DPY19L1: variants seen among roughly 807,000 people sequenced by gnomAD.
The protein encoded by DPY19L1 is dpy-19 like C-mannosyltransferase 1.
DPY19L1 carries 35 observed loss-of-function variants against 96.9 expected under a neutral mutation model. That is an observed-to-expected ratio of 0.36 (90% CI 0.28 to 0.48). The LOEUF (loss-of-function observed/expected upper bound fraction) is 0.48. Ranked by LOEUF, DPY19L1 falls within the 20% of genes least tolerant of loss-of-function variation. The probability of loss-of-function intolerance (pLI) is 0.99; values close to 1 mark genes in which losing one functional copy is unlikely to be tolerated. For missense variants in DPY19L1, 521 were observed against 777.9 expected (o/e 0.67, Z 3.93); for synonymous variants, 205 against 252.6 (o/e 0.81, Z 1.79).
chr7:34,980,388 CA>C (rs770880049), intron 7 of DPY19L1, among the ~76,000 whole-genome samples: 6 of 151,530 alleles, frequency 4.0e-5, no homozygotes, highest in Admixed American at 2.6e-4. Flanking sequence ...TAATCAGACA[CA>C]AAAAGGACTC....
chr7:35,029,025 G>T (rs1584265003), intron 1 of DPY19L1, among the ~76,000 whole-genome samples: 1 of 152,072 alleles, frequency 6.6e-6, no homozygotes, highest in Non-Finnish European at 1.5e-5. Flanking sequence ...CTTCTTTACC[G>T]CATGCTGTTT....
intron 1 of DPY19L1, among the ~76,000 whole-genome samples, chr7:35,036,620 A>G (rs1255247383): frequency 6.6e-6 from 1 of 152,158 alleles, no homozygotes; most frequent in African/African-American, 2.4e-5. Flanking sequence ...GGAAGAAAAA[A>G]GTACGCTAAA....
rs990087055 is a variant in DPY19L1 at position 35,027,549 on chromosome 7, G to T, written c.299-8953C>A. Reference sequence around the variant, plus strand: ...TTGCTTTTAAAATTCAGTCATGAAGGCCGGGCTCCATGGCTCACGCCTGTA... The same window carrying T: ...TTGCTTTTAAAATTCAGTCATGAAGTCCGGGCTCCATGGCTCACGCCTGTA... On this transcript the variant is annotated intron_variant, in intron 1 of 21. Transcript: ENST00000638088. Among the ~76,000 whole-genome samples, 10 of 152,028 alleles carry T rather than the reference G, an allele frequency of 6.6e-5. No homozygotes were observed. The East Asian group carries it at 1.9e-3, about 29-fold the overall frequency.
At chr7:34,960,445 G>T (rs1443425690) in intron 10 of DPY19L1, among the ~76,000 whole-genome samples, 2 of 151,972 alleles carry the variant, frequency 1.3e-5, no homozygotes, top group African/African-American at 2.4e-5. Flanking sequence ...TTCATATTTT[G>T]ATTGTTTGTA....
At chr7:34,969,047 T>C (rs1337198338) in intron 9 of DPY19L1, among the ~76,000 whole-genome samples, 2 of 152,108 alleles carry the variant, frequency 1.3e-5, no homozygotes, top group African/African-American at 4.8e-5. Context: ...TACACAACTA[T>C]TCATAAAAGA....
At chr7:35,026,726 C>T (rs1273180532) in intron 1 of DPY19L1, among the ~76,000 whole-genome samples, 2 of 152,108 alleles carry the variant, frequency 1.3e-5, no homozygotes, top group Non-Finnish European at 2.9e-5. Flanking sequence ...TCAAAAGATA[C>T]ACTGAGGGAG....
chr7:34,940,206 C>A lies in DPY19L1; in HGVS notation c.1811G>T (p.Ser604Ile). The change falls in exon 19 of 22, where the codon AGC (serine) becomes ATC (isoleucine). Residue 604 changes from serine (S) to isoleucine (I), a missense_variant. By Grantham distance (142) the Ser-to-Ile change is moderately radical (BLOSUM62 -2). Coordinates refer to ENST00000638088, the MANE Select transcript of DPY19L1 (RefSeq NM_001366673.1). ...QTQWNIVGEF[S>I]NLPQEELIEW... Reference sequence around the variant, plus strand: ...TATAAGTTCTTCTTGGGGCAAATTGCTGAACTCCCCTACAATATTCCACTG... The same window carrying A: ...TATAAGTTCTTCTTGGGGCAAATTGATGAACTCCCCTACAATATTCCACTG... 1 of 1,605,674 alleles carries A rather than the reference C, an allele frequency of 6.2e-7. No homozygotes were observed. Among genetic ancestry groups the A allele is most frequent in the Non-Finnish European group, 8.5e-7 (1 of 1,177,212 alleles).
At chr7:34,958,310 C>T (rs1184833525) in intron 10 of DPY19L1, among the ~76,000 whole-genome samples, 1 of 152,176 alleles carries the variant, frequency 6.6e-6, no homozygotes, top group East Asian at 1.9e-4. Flanking sequence ...TGTAAAACCA[C>T]AAATGGACAC....
intron 1 of DPY19L1, among the ~76,000 whole-genome samples, chr7:35,028,763 T>A (rs566045220): frequency 2.0e-5 from 3 of 152,224 alleles, no homozygotes; most frequent in Non-Finnish European, 4.4e-5. Context: ...TTTTTGATTA[T>A]ATGCTAAACA....
chr7:34,999,745 A>C (rs772536338), intron 6 of DPY19L1, among the ~76,000 whole-genome samples: 3 of 152,238 alleles, frequency 2.0e-5, no homozygotes, highest in Non-Finnish European at 2.9e-5. Context: ...AGATCTGGAG[A>C]GGAATTAATC....
chr7:35,005,585 G>C (rs1262455557), intron 6 of DPY19L1, among the ~76,000 whole-genome samples: 2 of 147,384 alleles, frequency 1.4e-5, no homozygotes, highest in African/African-American at 5.0e-5. Flanking sequence ...GATCACCTGA[G>C]GTCAGGAGTT....
intron 13 of DPY19L1, among the ~76,000 whole-genome samples, chr7:34,952,087 T>G (rs1331889495): frequency 6.8e-6 from 1 of 146,696 alleles, no homozygotes; most frequent in East Asian, 2.0e-4. Context: ...AAAAAAACTT[T>G]CCTAAGTTGC....
intron 16 of DPY19L1, among the ~76,000 whole-genome samples, 194 bp downstream of exon 16, chr7:34,945,473 G>A (rs559339306): frequency 1.3e-5 from 2 of 152,168 alleles, no homozygotes; most frequent in Non-Finnish European, 2.9e-5. Flanking sequence ...AACATCTGAA[G>A]GATGAATAAG....
chr7:35,007,056 C>G (rs564660414), intron 6 of DPY19L1, among the ~76,000 whole-genome samples: 1 of 151,994 alleles, frequency 6.6e-6, no homozygotes, highest in Non-Finnish European at 1.5e-5. Context: ...CATAAAATTA[C>G]AAGGGTGACT....
intron 6 of DPY19L1, among the ~76,000 whole-genome samples, chr7:35,003,588 CATG>C (rs1403920286): frequency 2.5e-4 from 38 of 152,370 alleles, no homozygotes; most frequent in Non-Finnish European, 1.8e-4. Flanking sequence ...CTCTTCCCCT[CATG>C]ATATTTCTGC....
chr7:35,025,383 A>G (rs1447744467), intron 1 of DPY19L1, among the ~76,000 whole-genome samples: 1 of 152,090 alleles, frequency 6.6e-6, no homozygotes, highest in Non-Finnish European at 1.5e-5. Flanking sequence ...TACATAAAAT[A>G]ATAAGAGAAC....
chr7:34,951,679 G>A (rs1784269538), intron 13 of DPY19L1, among the ~76,000 whole-genome samples: 2 of 151,842 alleles, frequency 1.3e-5, no homozygotes, highest in African/African-American at 2.4e-5. Flanking sequence ...GAATAAGAAT[G>A]AGGACAGGAA....
chr7:34,949,065 C>T (rs1051605463), intron 14 of DPY19L1, among the ~76,000 whole-genome samples: 4 of 152,164 alleles, frequency 2.6e-5, no homozygotes, highest in African/African-American at 7.2e-5. Flanking sequence ...AGGAGTGACA[C>T]AGATAATATA....
At chr7:34,977,661 T>C (rs1454911924) in intron 7 of DPY19L1, among the ~76,000 whole-genome samples, 2 of 152,218 alleles carry the variant, frequency 1.3e-5, no homozygotes, top group African/African-American at 2.4e-5. Context: ...TGAAGAGATT[T>C]GGTTTAGTCA....
Sources: gnomAD v4.1 joint callset for allele counts (sites outside exome capture counted in the v4.1 genomes callset) on GRCh38, gnomAD v4.1.1 for gene constraint, MANE v1.5 for transcripts, NCBI Gene and HGNC (gene_info 2026-07-23, HGNC 2026-07-21) for gene names.